The following MTOR variants were observed in gnomAD, a reference collection of about 807,000 sequenced individuals.
MTOR encodes mechanistic target of rapamycin kinase.
MTOR carries 70 observed loss-of-function variants against 319.8 expected under a neutral mutation model. The observed-to-expected ratio is 0.22, with a 90% CI of 0.18 to 0.27. The LOEUF is 0.27. Among genes scored for constraint, MTOR ranks in the 10% least tolerant of loss-of-function variants. The pLI is 1.00. For missense variants in MTOR, 1,890 were observed against 3,274.4 expected (o/e 0.58, Z 10.32); for synonymous variants, 1,183 against 1,211.4 (o/e 0.98, Z 0.49).
rs763145638 is a variant in MTOR at position 11,199,490 on chromosome 1, A to C, written c.4107+51T>G. The stretch of plus-strand genomic sequence containing the variant: ...GCTGTGTGGATGCTTCTCTCCTCCC[A>C]CCAGCTGGTTCCCTGTCAGCCTCCA... On this transcript the variant is annotated intron_variant, in intron 27 of 57. Coordinates refer to ENST00000361445, the MANE Select transcript of MTOR (RefSeq NM_004958.4). This position sits in a 1 kb window ranked among gnomAD's most constrained non-coding sequence, Gnocchi z 4.5. 5.0e-6 allele frequency: 8 copies of C among 1,613,510 alleles called. No individual in the cohort carries two copies. The highest frequency in any genetic ancestry group is 1.3e-5 in the African/African-American group (1 of 74,902).
At position 11,259,234 on chromosome 1, in the gene MTOR, G is replaced by C; in HGVS notation, c.162+14C>G. ...ACACATCCCACAATGACTGGCCCCAGATCCCAGAAGCACCTCTCGGAGTTC... is the reference window on the plus strand; with the variant it reads ...ACACATCCCACAATGACTGGCCCCACATCCCAGAAGCACCTCTCGGAGTTC... On this transcript the variant is annotated intron_variant, in intron 2 of 57. Coordinates refer to ENST00000361445, the MANE Select transcript of MTOR (RefSeq NM_004958.4). 1 of 1,612,452 alleles carries C rather than the reference G, an allele frequency of 6.2e-7. No individual in the cohort carries two copies. Among genetic ancestry groups the C allele is most frequent in the East Asian group, 2.2e-5 (1 of 44,742 alleles).
At position 11,110,617 on chromosome 1, in the gene MTOR, A is replaced by G. The variant is rs372353489; in HGVS notation, c.7367-888T>C. On this transcript the variant is annotated intron_variant, in intron 54 of 57. Coordinates refer to ENST00000361445, the MANE Select transcript of MTOR (RefSeq NM_004958.4). The stretch of plus-strand genomic sequence containing the variant: ...CTCCATGTCGGTCAAGCTGGTCTCA[A>G]ACTCTTGACCTCAGGTGATCCGCCT... Among the ~76,000 whole-genome samples, 188 of 152,266 alleles carry G rather than the reference A, an allele frequency of 1.2e-3. 1 individual carries two copies. The highest frequency in any genetic ancestry group is 5.2e-3 in the South Asian group (25 of 4,824).
intron 36 of MTOR, among the ~76,000 whole-genome samples, chr1:11,137,249 C>T (rs530843841): frequency 5.3e-5 from 8 of 151,252 alleles, no homozygotes; most frequent in South Asian, 4.2e-4. Context: ...GCATACGTCA[C>T]GCAGGTAGGA....
intron 18 of MTOR, among the ~76,000 whole-genome samples, chr1:11,229,814 G>A (rs989730236): frequency 4.0e-5 from 6 of 151,802 alleles, no homozygotes; most frequent in Non-Finnish European, 7.4e-5. Context: ...AAAAGGCAAC[G>A]GGCTATACAA....
At chr1:11,118,367 GCTA>G (rs1164151238) in intron 49 of MTOR, among the ~76,000 whole-genome samples, 1 of 88,040 alleles carries the variant, frequency 1.1e-5, no homozygotes, top group Admixed American at 1.3e-4. Context: ...CTCCTGAGTA[GCTA>G]GGATAACAGG....
At chr1:11,242,739 G>A (rs531383442) in intron 9 of MTOR, among the ~76,000 whole-genome samples, 13 of 152,302 alleles carry the variant, frequency 8.5e-5, no homozygotes, top group African/African-American at 2.4e-4. Flanking sequence ...CTTCAGCGAT[G>A]AGGAAAAAGA....
chr1:11,153,925 C>A, intron 30 of MTOR, among the ~76,000 whole-genome samples: 1 of 151,256 alleles, frequency 6.6e-6, no homozygotes, highest in East Asian at 1.9e-4. Flanking sequence ...AAAAATCAGC[C>A]GGGAGTGGTG....
chr1:11,238,266 G>T, intron 12 of MTOR, 136 bp downstream of exon 12: 1 of 1,001,446 alleles, frequency 1.0e-6, no homozygotes. Context: ...TGCCTAACAC[G>T]CCTTGGCAGA....
At chr1:11,132,978 C>T in intron 38 of MTOR, 102 bp downstream of exon 38, 3 of 972,976 alleles carry the variant, frequency 3.1e-6, no homozygotes, top group Non-Finnish European at 4.8e-6. Context: ...AAGTTCACAG[C>T]ATCAGCCTAG....
rs35865993 is a variant in MTOR, at chr1:11,244,296, T to TAAAAAA, written c.1226-1002_1226-997dup. 4.5e-5 allele frequency among the ~76,000 whole-genome samples: 4 copies of TAAAAAA among 88,978 alleles called. 1 individual carries two copies. The highest frequency in any genetic ancestry group is 3.1e-4 in the Admixed American group (2 of 6,470). 58.4% of individuals were successfully genotyped at this position (88,978 alleles called of 152,430 possible). A position where few individuals can be genotyped will look rare whatever the true frequency, so the allele number is the denominator to read the frequency against. On this transcript the variant is annotated intron_variant, in intron 8 of 57. Coordinates refer to ENST00000361445, the MANE Select transcript of MTOR (RefSeq NM_004958.4). ...AACAAGAGCAAAACTACATCTCATT[T>TAAAAAA]AAAAAAAAAAAAAAAAAAAAGACCC...
intron 29 of MTOR, among the ~76,000 whole-genome samples, chr1:11,158,896 T>C (rs1444736729): frequency 2.0e-5 from 3 of 152,182 alleles, no homozygotes; most frequent in Non-Finnish European, 2.9e-5. Flanking sequence ...TCTAATGAGA[T>C]TGCTGTTACA....
intron 29 of MTOR, among the ~76,000 whole-genome samples, chr1:11,165,291 A>G (rs1328603828): frequency 1.3e-5 from 2 of 152,230 alleles, no homozygotes; most frequent in Non-Finnish European, 2.9e-5. Context: ...TTAGGAAAAG[A>G]GGAAGTCAAA....
At chr1:11,204,443 C>A (rs1477910461) in intron 26 of MTOR, 118 bp downstream of exon 26, 2 of 1,349,214 alleles carry the variant, frequency 1.5e-6, no homozygotes, top group African/African-American at 1.5e-5. Flanking sequence ...TCTTTGTATC[C>A]CACAAAATTA....
At chr1:11,190,547 C>T (rs965322477) in intron 28 of MTOR, among the ~76,000 whole-genome samples, 1 of 152,108 alleles carries the variant, frequency 6.6e-6, no homozygotes, top group Non-Finnish European at 1.5e-5. Flanking sequence ...AATTGTGATA[C>T]GTCTATTTTT....
intron 28 of MTOR, among the ~76,000 whole-genome samples, chr1:11,198,420 G>A (rs1391943545): frequency 1.3e-5 from 2 of 152,086 alleles, no homozygotes; most frequent in East Asian, 1.9e-4. Flanking sequence ...AAAGGACTTG[G>A]CTATTTGATT....
chr1:11,196,276 T>C lies in MTOR; in HGVS notation c.4253+2982A>G, dbSNP rs537732209. ...AACAGGCCAGCAGACCTTACCCTAA[T>C]GCTCGGGGCTAACCAAGTAAAAGTG... On this transcript the variant is annotated intron_variant, in intron 28 of 57. Transcript: ENST00000361445. Among the ~76,000 whole-genome samples, 184 of 152,326 alleles carry C rather than the reference T, an allele frequency of 1.2e-3. 2 individuals carry two copies. Among genetic ancestry groups the C allele is most frequent in the Non-Finnish European group, 2.0e-3 (139 of 68,026 alleles).
rs1408980881 is a variant in MTOR, at chr1:11,106,976, T to G, written c.*509A>C. On this transcript the variant is annotated 3_prime_UTR_variant, in exon 58 of 58. Transcript: ENST00000361445. ...TATCTTGCAAACATTTCTGCTGCTG[T>G]CCACAGACCAGTGAGGTCTTGGGAT... 13 of 1,370,728 alleles carry G rather than the reference T, an allele frequency of 9.5e-6. No individual in the cohort carries two copies. Among genetic ancestry groups the G allele is most frequent in the Non-Finnish European group, 1.2e-5 (12 of 1,038,848 alleles). The allele number at this position is 1,370,728 out of a possible 1,614,324, so 84.9% of individuals were successfully genotyped here. A position where few individuals can be genotyped will look rare whatever the true frequency, so the allele number is the denominator to read the frequency against.
chr1:11,183,454 G>A lies in MTOR; in HGVS notation c.4253+15804C>T, dbSNP rs555370151. Among the ~76,000 whole-genome samples, 86 of 151,968 alleles carry A rather than the reference G, an allele frequency of 5.7e-4. 1 individual carries two copies. The highest frequency in any genetic ancestry group is 2.0e-3 in the African/African-American group (83 of 41,444). ...GGCTTCTTTTACCAATCTTTTTATTGTGCTACCTTTTTCCTCCTTATTGTT... is the reference window on the plus strand; with the variant it reads ...GGCTTCTTTTACCAATCTTTTTATTATGCTACCTTTTTCCTCCTTATTGTT... On this transcript the variant is annotated intron_variant, in intron 28 of 57. Transcript: ENST00000361445.
intron 50 of MTOR, among the ~76,000 whole-genome samples, chr1:11,116,115 CT>C (rs1171253770): frequency 1.3e-5 from 2 of 152,188 alleles, no homozygotes; most frequent in African/African-American, 2.4e-5. Flanking sequence ...GAGAACCAGT[CT>C]TTTTTACATT....
Sources: allele counts gnomAD v4.1 joint callset (sites outside exome capture counted in the v4.1 genomes callset), GRCh38; gene constraint gnomAD v4.1.1; non-coding constraint Gnocchi (gnomAD v3.1); transcripts MANE v1.5; gene names NCBI Gene and HGNC (gene_info 2026-07-23, HGNC 2026-07-21).